DIP2A: variants seen among roughly 807,000 people sequenced by gnomAD.
DIP2A encodes disco-interacting protein 2 homolog A.
Under a neutral mutation model 177.4 loss-of-function variants are expected in DIP2A, and 85 were observed. The ratio of observed to expected loss-of-function variants is 0.48; its 90% CI spans 0.40 to 0.57. DIP2A has a LOEUF of 0.57. Ranked by LOEUF, DIP2A falls within the 20% of genes least tolerant of loss-of-function variation. The pLI is 0.00. For missense variants in DIP2A, 1,791 were observed against 2,100.2 expected (o/e 0.85, Z 2.88); for synonymous variants, 886 against 881.8 (o/e 1.00, Z -0.08).
rs111718160 is a variant in DIP2A at position 46,491,749 on chromosome 21, G to C, written c.283+1030G>C. Among the ~76,000 whole-genome samples the C allele has an allele frequency of 4.9e-4, 75 of 152,168 alleles. 1 individual carries two copies. Among genetic ancestry groups the C allele is most frequent in the Middle Eastern group, 3.4e-3 (1 of 294 alleles). ...TAGAAAAGGTCTCCTCCTTTCTGCCGCTCCTTATTTTCTACATGTCCCAGC... is the reference window on the plus strand; with the variant it reads ...TAGAAAAGGTCTCCTCCTTTCTGCCCCTCCTTATTTTCTACATGTCCCAGC... On this transcript the variant is annotated intron_variant, in intron 3 of 37. Transcript: ENST00000417564.
At chr21:46,465,618 C>T (rs183380691) in intron 1 of DIP2A, among the ~76,000 whole-genome samples, 12 of 152,122 alleles carry the variant, frequency 7.9e-5, no homozygotes, top group Non-Finnish European at 1.3e-4. Context: ...GGCACTTTAA[C>T]GTAAATTGAG....
At chr21:46,576,899 A>G in the DIP2A span, among the ~76,000 whole-genome samples, 1 of 151,914 alleles carries the variant, frequency 6.6e-6, no homozygotes, top group East Asian at 1.9e-4. Flanking sequence ...GCTTTTTTTC[A>G]TATATTTGTT....
At position 46,495,244 on chromosome 21, in the gene DIP2A, T is replaced by TTCTCTC. The variant is rs371550332; in HGVS notation, c.284-1714_284-1709dup. Among the ~76,000 whole-genome samples, 282 of 38,148 alleles carry TTCTCTC rather than the reference T, an allele frequency of 7.4e-3. 18 individuals are homozygous for TTCTCTC. Among genetic ancestry groups the TTCTCTC allele is most frequent in the Middle Eastern group, 0.026 (2 of 78 alleles). 25.0% of individuals were successfully genotyped at this position (38,148 alleles called of 152,430 possible). A position where few individuals can be genotyped will look rare whatever the true frequency, so the allele number is the denominator to read the frequency against. On this transcript the variant is annotated intron_variant, in intron 3 of 37. Transcript: ENST00000417564. Reference sequence around the variant, plus strand: ...CTTCTCTTCTCTTCTCTTCTCTTCTTTCTCTCTCTCTCTCTCTCTCTCTCT... The same window carrying TTCTCTC: ...CTTCTCTTCTCTTCTCTTCTCTTCTTTCTCTCTCTCTCTCTCTCTCTCTCTCTCTCT...
chr21:46,507,689 G>A lies in DIP2A; in HGVS notation c.785-1568G>A, dbSNP rs199640211. On this transcript the variant is annotated intron_variant, in intron 6 of 37. Transcript: ENST00000417564. The stretch of plus-strand genomic sequence containing the variant: ...CTCTGCTTTTTTTTTTTAATTTTCT[G>A]TTCTTTTTTTTTTTTTTTTTTTTTT... 4.8e-4 allele frequency among the ~76,000 whole-genome samples: 24 copies of A among 50,310 alleles called. No individual in the cohort carries two copies. The East Asian group carries it at 0.012, about 25-fold the overall frequency. 33.0% of individuals were successfully genotyped at this position (50,310 alleles called of 152,430 possible).
rs373337235 is a variant in DIP2A, at chr21:46,563,935, G to A, written c.4164+3G>A. Reference sequence around the variant, plus strand: ...TGGGAGACTCACACCTGGGAGAGGTGAGCAGGGGCCCATGGGAGGGGCTTG... The same window carrying A: ...TGGGAGACTCACACCTGGGAGAGGTAAGCAGGGGCCCATGGGAGGGGCTTG... On this transcript the variant is annotated splice_donor_region_variant and intron_variant, in intron 35 of 37. Coordinates refer to ENST00000417564, the MANE Select transcript of DIP2A (RefSeq NM_015151.4). This position sits in a 1 kb window ranked among gnomAD's most constrained non-coding sequence, Gnocchi z 4.3. 55 of 1,611,978 alleles carry A rather than the reference G, an allele frequency of 3.4e-5. No individual in the cohort carries two copies. The African/African-American group carries it at 5.4e-4, about 16-fold the overall frequency.
chr21:46,472,112 G>A (rs1338886449), intron 1 of DIP2A, among the ~76,000 whole-genome samples: 1 of 152,176 alleles, frequency 6.6e-6, no homozygotes, highest in African/African-American at 2.4e-5. Context: ...TGAGGTCAAG[G>A]GGGTGGGCCC....
Position 46,529,114 on chromosome 21 carries a change from A to G in DIP2A, c.1125A>G (p.Leu375=). 1 of 1,520,112 alleles carries G rather than the reference A, an allele frequency of 6.6e-7. No individual in the cohort carries two copies. The highest frequency in any genetic ancestry group is 1.3e-5 in the South Asian group (1 of 75,954). 94.2% of individuals were successfully genotyped at this position (1,520,112 alleles called of 1,614,324 possible). A position where few individuals can be genotyped will look rare whatever the true frequency, so the allele number is the denominator to read the frequency against. Residue 375 remains leucine (L), a synonymous_variant, in exon 9 of 38, where the codon TTA becomes TTG. Coordinates refer to ENST00000417564, the MANE Select transcript of DIP2A (RefSeq NM_015151.4). ...TAGGTAAACTTTGGAGTCGGAGTTT[A>G]AAACTAGCTTATACTCTACTTAATA... ...LTYGKLWSRS[L]KLAYTLLNKL...
At chr21:46,558,093 G>C (rs1341846501) in intron 31 of DIP2A, 130 bp from the exon 32 acceptor site, 2 of 956,086 alleles carry the variant, frequency 2.1e-6, no homozygotes, top group South Asian at 3.4e-5. Flanking sequence ...AACAGACACA[G>C]CCTGCGGAGA....
chr21:46,523,706 A>G (rs932226384), intron 8 of DIP2A, among the ~76,000 whole-genome samples: 4 of 151,204 alleles, frequency 2.6e-5, no homozygotes, highest in African/African-American at 7.3e-5. Context: ...AGAGCATCCA[A>G]TTCTGAGCTT....
At chr21:46,573,288 A>C (rs1938942123), downstream of DIP2A, among the ~76,000 whole-genome samples, 1 of 152,122 alleles carries the variant, frequency 6.6e-6, no homozygotes, top group Admixed American at 6.6e-5. Context: ...TGGGGAAAAA[A>C]CAGGATCTAA....
At chr21:46,468,534 A>G (rs1055582424) in intron 1 of DIP2A, among the ~76,000 whole-genome samples, 9 of 152,150 alleles carry the variant, frequency 5.9e-5, no homozygotes, top group Non-Finnish European at 1.0e-4. Flanking sequence ...GTTGCCAGAG[A>G]CTGGGGTGGT....
chr21:46,520,453 T>C (rs2058775939), intron 8 of DIP2A, among the ~76,000 whole-genome samples: 1 of 152,246 alleles, frequency 6.6e-6, no homozygotes, highest in Non-Finnish European at 1.5e-5. Flanking sequence ...TGTTCGATAT[T>C]CATGAACATT....
chr21:46,511,286 C>T (rs1468118320), intron 7 of DIP2A, 131 bp from the exon 8 acceptor site: 39 of 1,015,434 alleles, frequency 3.8e-5, no homozygotes, highest in Middle Eastern at 2.6e-4. Flanking sequence ...ATGCAAAAAT[C>T]GAAACAAATT....
rs2057475729 is a variant in DIP2A at position 46,498,483 on chromosome 21, T to C, written c.404-99T>C. 3 of 1,418,174 alleles carry C rather than the reference T, an allele frequency of 2.1e-6. No homozygotes were observed. The highest frequency in any genetic ancestry group is 2.6e-5 in the South Asian group (2 of 76,178). The allele number at this position is 1,418,174 out of a possible 1,614,324, so 87.8% of individuals were successfully genotyped here. A position where few individuals can be genotyped will look rare whatever the true frequency, so the allele number is the denominator to read the frequency against. ...GAGCTGTGCCAGGTGTACAGAAGCA[T>C]GCTGCACACAGGTCTGGGAGGCTCC... is the stretch of plus-strand genomic sequence containing the variant. On this transcript the variant is annotated intron_variant, in intron 4 of 37. Transcript: ENST00000417564. The surrounding 1 kb of genome is among the most constrained non-coding windows in gnomAD (Gnocchi z 4.3).
At chr21:46,523,810 A>C (rs1015424436) in intron 8 of DIP2A, among the ~76,000 whole-genome samples, 5 of 152,162 alleles carry the variant, frequency 3.3e-5, no homozygotes, top group Non-Finnish European at 7.3e-5. Context: ...AAGAGAAAGT[A>C]CCTCCGCGTG....
chr21:46,504,511 C>G, intron 6 of DIP2A, 22 bp downstream of exon 6: 1 of 1,587,298 alleles, frequency 6.3e-7, no homozygotes, highest in African/African-American at 1.3e-5. Context: ...TCTCTTTCTC[C>G]TCGTGAAATA....
At chr21:46,575,908 A>T in the DIP2A span, among the ~76,000 whole-genome samples, 27 of 152,240 alleles carry the variant, frequency 1.8e-4, no homozygotes, top group African/African-American at 6.3e-4. Context: ...TCTAAAATTG[A>T]TATAGAATCT....
chr21:46,484,809 T>C lies in DIP2A; in HGVS notation c.144T>C (p.Arg48=). The change falls in exon 2 of 38, where the codon CGT becomes CGC. Residue 48 remains arginine (R), a synonymous_variant. Transcript: ENST00000417564. ...AGAAAAGGGCAAAGCTGCTTGCACG[T>C]TATATACCGCTTATTCAAGGTAAGG... The part of the protein sequence containing the change: ...YEKKRAKLLA[R]YIPLIQGIDP... 6.3e-7 allele frequency: 1 copy of C among 1,585,902 alleles called. No homozygotes were observed. The highest frequency in any genetic ancestry group is 8.6e-7 in the Non-Finnish European group (1 of 1,165,630).
intron 7 of DIP2A, among the ~76,000 whole-genome samples, chr21:46,510,431 C>T (rs2058250448): frequency 1.3e-5 from 2 of 152,140 alleles, no homozygotes; most frequent in South Asian, 4.1e-4. Context: ...TCAATCCCAT[C>T]AAGTTGACAT....
Sources: gnomAD v4.1 joint callset for allele counts (sites outside exome capture counted in the v4.1 genomes callset) on GRCh38, gnomAD v4.1.1 for gene constraint, Gnocchi (gnomAD v3.1) non-coding constraint, MANE v1.5 for transcripts, NCBI Gene and HGNC (gene_info 2026-07-23, HGNC 2026-07-21) for gene names.